The following NCAM2 variants were observed in gnomAD, a reference collection of about 807,000 sequenced individuals.
NCAM2 encodes the protein neural cell adhesion molecule 2.
NCAM2 carries 30 observed loss-of-function variants against 98.1 expected under a neutral mutation model. The ratio of observed to expected loss-of-function variants is 0.31; its 90% CI spans 0.23 to 0.41. The LOEUF (loss-of-function observed/expected upper bound fraction) is 0.41, where lower values mean the gene tolerates loss of function less well. NCAM2 is among the 10% of genes least tolerant of loss of function. The pLI is 1.00. For synonymous variants in NCAM2, 368 were observed against 342.4 expected, an observed-to-expected ratio of 1.07 and a Z score of -0.83; for missense variants, 867 against 1,005.8, an observed-to-expected ratio of 0.86 and a Z score of 1.87.
chr21:21,342,024 A>G (rs2075056185), intron 8 of NCAM2, among the ~76,000 whole-genome samples: 1 of 152,170 alleles, frequency 6.6e-6, no homozygotes, highest in African/African-American at 2.4e-5. Flanking sequence ...GTTACCTATC[A>G]GATATCTCTT....
intron 1 of NCAM2, among the ~76,000 whole-genome samples, chr21:21,248,865 G>C (rs1180792836): frequency 6.8e-6 from 1 of 146,804 alleles, no homozygotes; most frequent in Non-Finnish European, 1.5e-5. Flanking sequence ...CTCACATTAA[G>C]GGCATAGACT....
intron 14 of NCAM2, among the ~76,000 whole-genome samples, chr21:21,477,008 A>AT (rs1454014804): frequency 3.3e-5 from 5 of 151,322 alleles, no homozygotes; most frequent in African/African-American, 9.8e-5. Flanking sequence ...TATATGTGAA[A>AT]TAAAAAAAAA....
intron 1 of NCAM2, among the ~76,000 whole-genome samples, chr21:21,234,407 C>G (rs779477232): frequency 6.6e-6 from 1 of 151,772 alleles, no homozygotes; most frequent in Admixed American, 6.6e-5. Context: ...CAGTAAGACT[C>G]CTTGTAAGAA....
At chr21:21,504,721 TATATA>T (rs1987864580) in intron 15 of NCAM2, among the ~76,000 whole-genome samples, 1 of 151,732 alleles carries the variant, frequency 6.6e-6, no homozygotes, top group African/African-American at 2.4e-5. Context: ...ATTTAATATA[TATATA>T]ATATGTATAT....
intron 16 of NCAM2, among the ~76,000 whole-genome samples, chr21:21,529,760 C>G (rs542419862): frequency 1.1e-4 from 17 of 151,752 alleles, no homozygotes; most frequent in African/African-American, 2.7e-4. Context: ...CTCTCTCTCT[C>G]TGTGTTAATA....
At chr21:21,302,104 A>G (rs895645064) in intron 5 of NCAM2, among the ~76,000 whole-genome samples, 2 of 148,752 alleles carry the variant, frequency 1.3e-5, no homozygotes, top group Admixed American at 6.8e-5. Context: ...CAGCCATCCC[A>G]TTAGTGGGTA....
intron 9 of NCAM2, among the ~76,000 whole-genome samples, chr21:21,379,587 T>C (rs1306797192): frequency 3.9e-5 from 6 of 152,142 alleles, no homozygotes; most frequent in African/African-American, 1.2e-4. Context: ...GTTATTGATT[T>C]CTAATTTAGT....
chr21:21,372,288 T>C (rs575055203), intron 8 of NCAM2, among the ~76,000 whole-genome samples: 1 of 151,930 alleles, frequency 6.6e-6, no homozygotes, highest in African/African-American at 2.4e-5. Flanking sequence ...ACCATTTAAA[T>C]AAGCAATTCT....
intron 1 of NCAM2, among the ~76,000 whole-genome samples, chr21:21,090,051 C>T (rs1259596348): frequency 6.6e-6 from 1 of 152,126 alleles, no homozygotes; most frequent in Non-Finnish European, 1.5e-5. Flanking sequence ...CGACTTTCTA[C>T]TCAAAGCATG....
At chr21:21,131,827 A>G (rs1250506645) in intron 1 of NCAM2, among the ~76,000 whole-genome samples, 1 of 152,188 alleles carries the variant, frequency 6.6e-6, no homozygotes, top group Non-Finnish European at 1.5e-5. Flanking sequence ...AACTTCTGTT[A>G]TGGCCAAGAT....
Position 21,432,276 on chromosome 21 carries a change from T to C in NCAM2, c.1649T>C (p.Val550Ala), listed in dbSNP as rs1569057474. 3.1e-6 allele frequency: 5 copies of C among 1,612,044 alleles called. No homozygotes were observed. The Admixed American group carries it at 5.0e-5, about 16-fold the overall frequency. ...TGGAAAATTGTACGCTCCCATGGAG[T>C]TCAAAGTGAGTCAACAATTTCAAAA... is the stretch of plus-strand genomic sequence containing the variant. Reference protein sequence around the residue: ...EIWKIVRSHGVQTMVVLNNLE... With the variant: ...EIWKIVRSHGAQTMVVLNNLE... The change falls in exon 12 of 18, where the codon GTT becomes GCT. Residue 550 changes from valine to alanine, a missense_variant. By Grantham distance (64) the Val-to-Ala change is moderately conservative. Around this residue, in one of 5 missense-constraint regions of NCAM2, gnomAD observed 234 missense variants for 333.8 expected, o/e 0.70. Coordinates refer to ENST00000400546, the MANE Select transcript of NCAM2 (RefSeq NM_004540.5).
chr21:21,309,849 C>CCA (rs1338431828), intron 5 of NCAM2, among the ~76,000 whole-genome samples: 1 of 151,918 alleles, frequency 6.6e-6, no homozygotes, highest in East Asian at 1.9e-4. Context: ...CATTTCCCCC[C>CCA]ATATTTTAGG....
intron 1 of NCAM2, among the ~76,000 whole-genome samples, chr21:21,069,699 A>G (rs547819381): frequency 3.3e-5 from 5 of 152,300 alleles, no homozygotes; most frequent in South Asian, 2.1e-4. Context: ...CAGGGAAGTG[A>G]TAAGTGGTAA....
intron 6 of NCAM2, among the ~76,000 whole-genome samples, chr21:21,333,164 G>C (rs944674823): frequency 6.6e-6 from 1 of 152,076 alleles, no homozygotes; most frequent in Non-Finnish European, 1.5e-5. Context: ...TTTATTGGGA[G>C]GGAGTAATAA....
chr21:21,385,945 C>A (rs536659501), intron 9 of NCAM2, among the ~76,000 whole-genome samples: 1 of 151,998 alleles, frequency 6.6e-6, no homozygotes, highest in Non-Finnish European at 1.5e-5. Flanking sequence ...GCTTGCTGCA[C>A]CTGCCTTTAA....
chr21:21,062,575 G>C (rs1320391020), intron 1 of NCAM2, among the ~76,000 whole-genome samples: 1 of 152,148 alleles, frequency 6.6e-6, no homozygotes, highest in Non-Finnish European at 1.5e-5. Context: ...CCGATATCTT[G>C]ATCTCAGACT....
intron 1 of NCAM2, among the ~76,000 whole-genome samples, chr21:21,040,484 T>C (rs1392096687): frequency 2.0e-5 from 3 of 152,064 alleles, no homozygotes; most frequent in Non-Finnish European, 4.4e-5. Flanking sequence ...ACGTCCACTA[T>C]AGAAATGATG....
At chr21:21,114,527 A>C (rs186765256) in intron 1 of NCAM2, among the ~76,000 whole-genome samples, 1 of 152,324 alleles carries the variant, frequency 6.6e-6, no homozygotes, top group African/African-American at 2.4e-5. Flanking sequence ...GGAAAAGCTT[A>C]GTAACAAGAG....
intron 15 of NCAM2, among the ~76,000 whole-genome samples, chr21:21,504,405 A>G (rs2146343475): frequency 6.7e-6 from 1 of 149,638 alleles, no homozygotes; most frequent in African/African-American, 2.5e-5. Flanking sequence ...ATTTACAATT[A>G]TTTAAATTAT....
Sources: gnomAD v4.1 joint callset for allele counts (sites outside exome capture counted in the v4.1 genomes callset) on GRCh38, gnomAD v4.1.1 for gene constraint, gnomAD v4.1.1 regional missense constraint, MANE v1.5 for transcripts, NCBI Gene and HGNC (gene_info 2026-07-23, HGNC 2026-07-21) for gene names.